Variants in AFF1 observed in about 807,000 individuals in gnomAD.
AFF1 encodes AF4/FMR2 family member 1.
AFF1 carries 48 observed loss-of-function variants against 121.7 expected under a neutral mutation model. The observed-to-expected ratio is 0.39, with a 90% CI of 0.31 to 0.50. The LOEUF (loss-of-function observed/expected upper bound fraction) is 0.50, where lower values mean the gene tolerates loss of function less well. AFF1 is among the 20% of genes least tolerant of loss of function. AFF1 has a pLI of 0.76. For synonymous variants in AFF1, 613 were observed against 563.0 expected (o/e 1.09, Z -1.26); for missense variants, 1,523 against 1,511.7 (o/e 1.01, Z -0.12).
At chr4:87,052,665 G>C (rs891655632) in intron 4 of AFF1, among the ~76,000 whole-genome samples, 4 of 151,868 alleles carry the variant, frequency 2.6e-5, no homozygotes, top group Admixed American at 2.6e-4. Flanking sequence ...TCTGGCTTCT[G>C]GGTGGGAAAT....
At chr4:87,037,192 T>C (rs1729653206) in intron 2 of AFF1, among the ~76,000 whole-genome samples, 1 of 152,166 alleles carries the variant, frequency 6.6e-6, no homozygotes, top group Admixed American at 6.5e-5. Context: ...AATCAGAACT[T>C]TTATACAAAT....
intron 11 of AFF1, among the ~76,000 whole-genome samples, chr4:87,110,708 A>G (rs893034722): frequency 2.0e-5 from 3 of 151,244 alleles, no homozygotes; most frequent in Admixed American, 1.3e-4. Flanking sequence ...TATATTGTGC[A>G]TAATAATAAG....
chr4:87,010,288 G>A (rs949265286), intron 2 of AFF1, among the ~76,000 whole-genome samples: 2 of 152,100 alleles, frequency 1.3e-5, no homozygotes, highest in Non-Finnish European at 2.9e-5. Flanking sequence ...TTAGATTTTT[G>A]GGGGTCATAT....
chr4:87,069,816 ATTT>A (rs751029258), intron 4 of AFF1, among the ~76,000 whole-genome samples: 4 of 121,302 alleles, frequency 3.3e-5, no homozygotes, highest in African/African-American at 9.6e-5. Context: ...ATCACTCAGG[ATTT>A]TTTTTTTTTT....
Position 86,947,821 on chromosome 4 carries a change from T to TTG in AFF1, c.-36-676_-36-675insGT, listed in dbSNP as rs779219109. Among the ~76,000 whole-genome samples, 11 of 151,062 alleles carry TTG rather than the reference T, an allele frequency of 7.3e-5. No homozygotes were observed. In the East Asian group the frequency reaches 7.7e-4, roughly 11 times the overall value. ...TTGTTTTATTTCGGTTTTTGTTTGT[T>TTG]TTTTTTTTGTTTTGATTAAGTACCT... On this transcript the variant is annotated intron_variant, in intron 1 of 20. Coordinates refer to ENST00000395146, the MANE Select transcript of AFF1 (RefSeq NM_001166693.3).
intron 1 of AFF1, among the ~76,000 whole-genome samples, chr4:86,938,318 C>T (rs1720194553): frequency 6.6e-6 from 1 of 152,004 alleles, no homozygotes; most frequent in Admixed American, 6.6e-5. Flanking sequence ...GGCATGATGG[C>T]GTGCTCCTGT....
At chr4:87,013,032 C>CTTTTTTTTTG (rs1391718271) in intron 2 of AFF1, among the ~76,000 whole-genome samples, 1,893 of 93,436 alleles carry the variant, frequency 0.02, 208 homozygotes, top group African/African-American at 0.078. Context: ...CTATCAAGTT[C>CTTTTTTTTTG]TTTTTTTTTT....
intron 12 of AFF1, among the ~76,000 whole-genome samples, chr4:87,121,028 GA>G (rs1391949739): frequency 4.6e-4 from 9 of 19,656 alleles, no homozygotes; most frequent in African/African-American, 3.4e-3. Flanking sequence ...GCATCTGGCA[GA>G]GATGATCAGG....
In AFF1 at chr4:87,108,169, T is replaced by C. The variant is rs1008871432; in HGVS notation, c.1387T>C (p.Ser463Pro). 3.7e-6 allele frequency: 6 copies of C among 1,613,924 alleles called. No individual in the cohort carries two copies. The highest frequency in any genetic ancestry group is 5.1e-6 in the Non-Finnish European group (6 of 1,179,922). ...TTGGTTGCTTTGCAGTGCTCCACAG[T>C]CCCTTCCAGAACCAGTGGCATCAGC... ...SSSAPPSAPQ[S>P]LPEPVASAHS... The change falls in exon 11 of 21, where the codon TCC (serine) becomes CCC (proline). Residue 463 changes from serine (S) to proline (P), a missense_variant. Coordinates refer to ENST00000395146, the MANE Select transcript of AFF1 (RefSeq NM_001166693.3).
chr4:87,021,925 G>A (rs537109094), intron 2 of AFF1, among the ~76,000 whole-genome samples: 5 of 152,224 alleles, frequency 3.3e-5, no homozygotes, highest in East Asian at 1.9e-4. Flanking sequence ...ATGCTAGGGC[G>A]GGCGCAGTGG....
At chr4:87,044,531 C>A (rs1285868701) in intron 2 of AFF1, among the ~76,000 whole-genome samples, 2 of 152,138 alleles carry the variant, frequency 1.3e-5, no homozygotes, top group Non-Finnish European at 2.9e-5. Flanking sequence ...ACATTTGAAT[C>A]ATTCCAGAGA....
intron 2 of AFF1, among the ~76,000 whole-genome samples, chr4:87,036,544 T>C (rs1191900213): frequency 6.6e-6 from 1 of 152,068 alleles, no homozygotes; most frequent in Non-Finnish European, 1.5e-5. Context: ...AGCTCATCTG[T>C]CTCCTCTCCC....
chr4:87,075,520 C>T (rs1722565092), intron 4 of AFF1, among the ~76,000 whole-genome samples: 1 of 152,140 alleles, frequency 6.6e-6, no homozygotes, highest in African/African-American at 2.4e-5. Flanking sequence ...CATCTTCTAT[C>T]TCAAGGAAGC....
intron 2 of AFF1, among the ~76,000 whole-genome samples, chr4:87,014,810 T>TA (rs1727141647): frequency 6.6e-6 from 1 of 152,204 alleles, no homozygotes; most frequent in Admixed American, 6.5e-5. Context: ...ACTTTAAAAA[T>TA]ACAGGTGTAT....
At chr4:87,014,989 G>A (rs915465476) in intron 2 of AFF1, among the ~76,000 whole-genome samples, 2 of 152,114 alleles carry the variant, frequency 1.3e-5, no homozygotes, top group South Asian at 2.1e-4. Flanking sequence ...TTAGTAAGTT[G>A]GTAGCTTTGA....
intron 2 of AFF1, among the ~76,000 whole-genome samples, chr4:87,024,151 C>G (rs978349084): frequency 6.6e-6 from 1 of 152,068 alleles, no homozygotes; most frequent in Non-Finnish European, 1.5e-5. Flanking sequence ...TGGCAAGTGA[C>G]GGCTGATACA....
chr4:87,134,870 C>T (rs930799485), intron 20 of AFF1, among the ~76,000 whole-genome samples, 176 bp downstream of exon 20: 2 of 152,166 alleles, frequency 1.3e-5, no homozygotes, highest in African/African-American at 4.8e-5. Context: ...TCCTTGAGCA[C>T]TGTGGCATGG....
chr4:87,107,133 G>A (rs1190749114), intron 10 of AFF1, among the ~76,000 whole-genome samples: 1 of 152,206 alleles, frequency 6.6e-6, no homozygotes, highest in Non-Finnish European at 1.5e-5. Flanking sequence ...ATTTCTGTGA[G>A]GAAATTATAT....
At chr4:87,113,053 G>T (rs573440372) in intron 11 of AFF1, among the ~76,000 whole-genome samples, 1 of 152,268 alleles carries the variant, frequency 6.6e-6, no homozygotes, top group East Asian at 1.9e-4. Context: ...AAGAGTCTCC[G>T]TCATTCTTTT....
Sources: allele counts gnomAD v4.1 joint callset (sites outside exome capture counted in the v4.1 genomes callset), GRCh38; gene constraint gnomAD v4.1.1; transcripts MANE v1.5; gene names NCBI Gene and HGNC (gene_info 2026-07-23, HGNC 2026-07-21).